The following EXOC2 variants were observed in gnomAD, a reference collection of about 807,000 sequenced individuals.
EXOC2 encodes the protein exocyst complex component 2.
EXOC2 carries 70 observed loss-of-function variants against 131.8 expected under a neutral mutation model. That is an observed-to-expected ratio of 0.53 (90% CI 0.44 to 0.65). EXOC2 has a LOEUF of 0.65. Ranked by LOEUF, EXOC2 falls within the 30% of genes least tolerant of loss-of-function variation. EXOC2 has a pLI of 0.00. For missense variants in EXOC2, 923 were observed against 1,108.6 expected (o/e 0.83, Z 2.38); for synonymous variants, 411 against 398.4 (o/e 1.03, Z -0.38).
At chr6:516,879 G>T (rs1292006490) in intron 23 of EXOC2, among the ~76,000 whole-genome samples, 1 of 152,214 alleles carries the variant, frequency 6.6e-6, no homozygotes, top group Non-Finnish European at 1.5e-5. Flanking sequence ...TATAGAATAT[G>T]ACAGAAGAAA....
Position 486,737 on chromosome 6 carries a change from G to C in EXOC2, c.2709C>G (p.Phe903Leu), listed in dbSNP as rs777255366. The C allele has an allele frequency of 6.2e-7, 1 of 1,614,116 alleles. No individual in the cohort carries two copies. Among genetic ancestry groups the C allele is most frequent in the Non-Finnish European group, 8.5e-7 (1 of 1,179,996 alleles). Residue 903 changes from phenylalanine (F) to leucine (L), a missense_variant, in exon 28 of 28, where the codon TTC becomes TTG. Physicochemically the swap from Phe to Leu is conservative, Grantham distance 22 (BLOSUM62 0). Transcript: ENST00000230449. ...KKLLEELLNKFKSSMHLQLTC... is the reference protein window; with the variant it reads ...KKLLEELLNKLKSSMHLQLTC... Reference sequence around the variant, plus strand: ...TGAGCTGCAAGTGCATGCTACTCTTGAACTTGTTCAGGAGCTCTTCCAGTA... The same window carrying C: ...TGAGCTGCAAGTGCATGCTACTCTTCAACTTGTTCAGGAGCTCTTCCAGTA...
At chr6:627,560 T>G (rs1761641171) in intron 4 of EXOC2, among the ~76,000 whole-genome samples, 1 of 152,224 alleles carries the variant, frequency 6.6e-6, no homozygotes, top group South Asian at 2.1e-4. Flanking sequence ...GGAGGGCTAA[T>G]GGCGATGCCA....
At chr6:499,774 AC>A (rs1298013251) in intron 23 of EXOC2, 74 bp from the exon 24 acceptor site, 6 of 1,228,210 alleles carry the variant, frequency 4.9e-6, no homozygotes, top group African/African-American at 4.5e-5. Context: ...GGCAGGCTGT[AC>A]CCCATGCTTT....
At chr6:591,326 C>G (rs1238997394) in intron 11 of EXOC2, among the ~76,000 whole-genome samples, 6 of 152,188 alleles carry the variant, frequency 3.9e-5, no homozygotes, top group Admixed American at 3.9e-4. Context: ...GAAGTCCAAA[C>G]CTGTCACAGC....
chr6:679,718 T>C (rs1764314010), intron 1 of EXOC2, among the ~76,000 whole-genome samples: 2 of 152,168 alleles, frequency 1.3e-5, no homozygotes, highest in South Asian at 2.1e-4. Context: ...TCCAGTAAAA[T>C]GTAAAGGTTC....
chr6:656,234 C>T, intron 1 of EXOC2: 1 of 1,614,242 alleles, frequency 6.2e-7, no homozygotes, highest in Non-Finnish European at 8.5e-7. Context: ...CCAAAAACTG[C>T]AGAAGCTTCC....
Position 564,561 on chromosome 6 carries a change from C to T in EXOC2, c.1651G>A (p.Ala551Thr), listed in dbSNP as rs138384447. 28 of 1,614,034 alleles carry T rather than the reference C, an allele frequency of 1.7e-5. No homozygotes were observed. The highest frequency in any genetic ancestry group is 1.9e-5 in the Non-Finnish European group (23 of 1,180,050). ...CELSGQWLAH[A>T]IQTVRLTHES... ...CATACTCACCTTACAGTCTGGATGGCGTGAGCGAGCCACTGTCCGGAGAGC... is the reference window on the plus strand; with the variant it reads ...CATACTCACCTTACAGTCTGGATGGTGTGAGCGAGCCACTGTCCGGAGAGC... Residue 551 changes from alanine (A) to threonine (T), a missense_variant, in exon 15 of 28, where the codon GCC becomes ACC. Physicochemically the swap from Ala to Thr is moderately conservative, Grantham distance 58 (BLOSUM62 0). Transcript: ENST00000230449.
Position 532,745 on chromosome 6 carries a change from A to T in EXOC2, c.2239-135T>A, listed in dbSNP as rs1766163437. On this transcript the variant is annotated intron_variant, in intron 22 of 27. Transcript: ENST00000230449. ...TCCTACAAAAACTCGTGACTTTTATATATTTTCAGTAACAAAGATCTCTTT... is the reference window on the plus strand; with the variant it reads ...TCCTACAAAAACTCGTGACTTTTATTTATTTTCAGTAACAAAGATCTCTTT... 7.3e-6 allele frequency: 6 copies of T among 820,006 alleles called. No homozygotes were observed. In the East Asian group the frequency reaches 1.8e-4, roughly 25 times the overall value. The allele number at this position is 820,006 out of a possible 1,614,324, so 50.8% of individuals were successfully genotyped here.
intron 23 of EXOC2, among the ~76,000 whole-genome samples, chr6:508,790 C>G (rs1343347011): frequency 6.6e-6 from 1 of 152,176 alleles, no homozygotes; most frequent in Non-Finnish European, 1.5e-5. Context: ...GGCTAAATGC[C>G]AAGTGGTGCC....
chr6:527,481 C>G (rs770507113), intron 23 of EXOC2, among the ~76,000 whole-genome samples: 1 of 152,258 alleles, frequency 6.6e-6, no homozygotes, highest in Non-Finnish European at 1.5e-5. Flanking sequence ...CATTTTCTTT[C>G]TCTTCAATTT....
intron 11 of EXOC2, among the ~76,000 whole-genome samples, chr6:592,008 G>C (rs1759567849): frequency 6.6e-6 from 1 of 152,092 alleles, no homozygotes; most frequent in African/African-American, 2.4e-5. Flanking sequence ...GGAACATCTT[G>C]ATTTTCTTTT....
chr6:656,278 G>A, intron 1 of EXOC2: 2 of 1,614,182 alleles, frequency 1.2e-6, no homozygotes, highest in East Asian at 2.2e-5. Context: ...ATGCTCTCCA[G>A]GTCTCTGTTT....
chr6:532,323 T>A, intron 23 of EXOC2, 146 bp downstream of exon 23: 1 of 873,156 alleles, frequency 1.1e-6, no homozygotes, highest in Non-Finnish European at 1.6e-6. Flanking sequence ...AAGAAATGGG[T>A]TTAAGCAAAC....
At chr6:532,865 C>A (rs1227117633) in intron 22 of EXOC2, among the ~76,000 whole-genome samples, 2 of 151,982 alleles carry the variant, frequency 1.3e-5, no homozygotes, top group East Asian at 3.9e-4. Context: ...AAGAACTGCC[C>A]AAGATTAGGT....
chr6:562,939 T>C, intron 16 of EXOC2, 94 bp from the exon 17 acceptor site: 2 of 880,414 alleles, frequency 2.3e-6, no homozygotes, highest in Non-Finnish European at 3.2e-6. Context: ...TTTTTCATTG[T>C]TTTATATAGG....
chr6:546,218 T>A (rs563751022), intron 22 of EXOC2, among the ~76,000 whole-genome samples: 2 of 152,052 alleles, frequency 1.3e-5, no homozygotes, highest in South Asian at 2.1e-4. Flanking sequence ...GAAAAAGACA[T>A]CTCCAGGACT....
intron 6 of EXOC2, among the ~76,000 whole-genome samples, chr6:612,293 C>T (rs548014426): frequency 3.3e-5 from 5 of 152,338 alleles, no homozygotes; most frequent in South Asian, 2.1e-4. Flanking sequence ...GCTTAGCTCC[C>T]GGCCTGTACA....
At chr6:518,717 C>T (rs1028681864) in intron 23 of EXOC2, among the ~76,000 whole-genome samples, 1 of 152,144 alleles carries the variant, frequency 6.6e-6, no homozygotes, top group Non-Finnish European at 1.5e-5. Flanking sequence ...AAGAAAATAT[C>T]TGAAAACAAG....
chr6:572,418 T>C (rs1758336220), intron 13 of EXOC2, 102 bp downstream of exon 13: 4 of 1,385,198 alleles, frequency 2.9e-6, no homozygotes, highest in Non-Finnish European at 3.9e-6. Flanking sequence ...TGGCTAGAGA[T>C]GTTGGGCCTC....
Sources: gnomAD v4.1 joint callset for allele counts (sites outside exome capture counted in the v4.1 genomes callset) on GRCh38, gnomAD v4.1.1 for gene constraint, MANE v1.5 for transcripts, NCBI Gene and HGNC (gene_info 2026-07-23, HGNC 2026-07-21) for gene names.